The following GRIN2B variants were observed in gnomAD, a reference collection of about 807,000 sequenced individuals.
GRIN2B encodes the protein glutamate receptor ionotropic, NMDA 2B.
In GRIN2B, 5 loss-of-function variants were observed where a neutral mutation model predicts 114.5. The ratio of observed to expected loss-of-function variants is 0.04; its 90% CI spans 0.02 to 0.09. GRIN2B has a LOEUF of 0.09. Ranked by LOEUF, GRIN2B falls within the 10% of genes least tolerant of loss-of-function variation. The pLI is 1.00. For synonymous variants in GRIN2B, 787 were observed against 745.1 expected, an observed-to-expected ratio of 1.06 and a Z score of -0.92; for missense variants, 1,108 against 1,943.5, an observed-to-expected ratio of 0.57 and a Z score of 8.08.
chr12:13,933,094 C>T (rs542739623), intron 2 of GRIN2B, among the ~76,000 whole-genome samples: 1 of 152,230 alleles, frequency 6.6e-6, no homozygotes, highest in Admixed American at 6.5e-5. Context: ...GGCATGTTTC[C>T]TTTCCCCTTG....
rs375099257 is a variant in GRIN2B, at chr12:13,611,899, G to A, written c.1655-49C>T. 7 of 1,589,784 alleles carry A rather than the reference G, an allele frequency of 4.4e-6. No individual in the cohort carries two copies. The East Asian group carries it at 1.3e-4, about 30-fold the overall frequency. On this transcript the variant is annotated intron_variant, in intron 8 of 13. Transcript: ENST00000609686. ...CTCAGGGTTAGAACAGAGAGCAAAA[G>A]AATTCGAATTAATTCACATATTCAT... is the stretch of plus-strand genomic sequence containing the variant.
Position 13,562,509 on chromosome 12 carries a change from C to A in GRIN2B, c.*274G>T. On this transcript the variant is annotated 3_prime_UTR_variant, in exon 14 of 14. Coordinates refer to ENST00000609686, the MANE Select transcript of GRIN2B (RefSeq NM_000834.5). ...GCCCTTCCTTTCTCCGCTCTACCCT[C>A]CCCTGCTGAGAGGGCCCATGGCATC... The A allele has an allele frequency of 2.1e-6, 1 of 484,640 alleles. No homozygotes were observed. The highest frequency in any genetic ancestry group is 3.7e-6 in the Non-Finnish European group (1 of 268,706). 30.0% of individuals were successfully genotyped at this position (484,640 alleles called of 1,614,324 possible).
At chr12:13,630,433 G>A (rs1462148911) in intron 5 of GRIN2B, among the ~76,000 whole-genome samples, 1 of 152,202 alleles carries the variant, frequency 6.6e-6, no homozygotes, top group Non-Finnish European at 1.5e-5. Context: ...CTGACTCTGA[G>A]TTTAGCTTTG....
At chr12:13,773,929 C>A (rs575552288) in intron 3 of GRIN2B, among the ~76,000 whole-genome samples, 1 of 152,144 alleles carries the variant, frequency 6.6e-6, no homozygotes, top group Non-Finnish European at 1.5e-5. Context: ...ACTGGGTGAG[C>A]AAATGAACTA....
At position 13,569,879 on chromosome 12, in the gene GRIN2B, A is replaced by C. The variant is rs1438639646; in HGVS notation, c.2310T>G (p.Ser770=). The part of the protein sequence containing the change: ...TGYGIAIQKD[S]GWKRQVDLAI... ...CAAGGTCCACCTGGCGCTTCCACCCAGAATCTTTTTGGATGGCAATGCCAT... is the reference window on the plus strand; with the variant it reads ...CAAGGTCCACCTGGCGCTTCCACCCCGAATCTTTTTGGATGGCAATGCCAT... Residue 770 remains serine (S), a synonymous_variant, in exon 12 of 14, where the codon TCT becomes TCG. Coordinates refer to ENST00000609686, the MANE Select transcript of GRIN2B (RefSeq NM_000834.5). 1.2e-6 allele frequency: 2 copies of C among 1,612,766 alleles called. No homozygotes were observed. The highest frequency in any genetic ancestry group is 2.2e-5 in the East Asian group (1 of 44,854).
At chr12:13,947,561 G>A (rs1240289652) in intron 2 of GRIN2B, among the ~76,000 whole-genome samples, 1 of 152,142 alleles carries the variant, frequency 6.6e-6, no homozygotes, top group Non-Finnish European at 1.5e-5. Flanking sequence ...CATACATCCA[G>A]TAGCAATCCT....
intron 10 of GRIN2B, among the ~76,000 whole-genome samples, chr12:13,607,399 T>TAA (rs1949291193): frequency 1.4e-4 from 10 of 73,900 alleles, no homozygotes; most frequent in African/African-American, 6.0e-4. Context: ...ATATTATATA[T>TAA]AATATATAAA....
intron 4 of GRIN2B, among the ~76,000 whole-genome samples, chr12:13,711,342 C>A (rs975243884): frequency 5.3e-5 from 8 of 152,134 alleles, no homozygotes; most frequent in African/African-American, 1.7e-4. Context: ...TCTAAAACAC[C>A]AAAAGCAATG....
At chr12:13,832,185 T>G (rs1865161420) in intron 3 of GRIN2B, among the ~76,000 whole-genome samples, 1 of 152,242 alleles carries the variant, frequency 6.6e-6, no homozygotes, top group Admixed American at 6.5e-5. Flanking sequence ...TTATTCTTAT[T>G]ATGAGAACAT....
At chr12:13,734,500 C>G (rs763694995) in intron 4 of GRIN2B, among the ~76,000 whole-genome samples, 1 of 152,138 alleles carries the variant, frequency 6.6e-6, no homozygotes, top group Non-Finnish European at 1.5e-5. Flanking sequence ...GCCAATGAAT[C>G]CAAAGAGTCA....
intron 4 of GRIN2B, among the ~76,000 whole-genome samples, chr12:13,746,686 T>C (rs1191238334): frequency 6.6e-6 from 1 of 152,226 alleles, no homozygotes; most frequent in Non-Finnish European, 1.5e-5. Context: ...ACCCCAATGC[T>C]GGAGATTGAG....
intron 10 of GRIN2B, among the ~76,000 whole-genome samples, chr12:13,599,898 A>G (rs2268097): frequency 0.35 from 52,708 of 152,162 alleles, 10,876 homozygotes; most frequent in East Asian, 0.81. Flanking sequence ...AGAAGTGCTC[A>G]CTAGCCTCTC....
Position 13,562,317 on chromosome 12 carries a change from A to G in GRIN2B, c.*466T>C. 1 of 165,126 alleles carries G rather than the reference A, an allele frequency of 6.1e-6. No homozygotes were observed. The highest frequency in any genetic ancestry group is 1.3e-5 in the Non-Finnish European group (1 of 75,484). The allele number at this position is 165,126 out of a possible 1,614,324, so 10.2% of individuals were successfully genotyped here. A position where few individuals can be genotyped will look rare whatever the true frequency, so the allele number is the denominator to read the frequency against. ...CCAGAGCCTCTTTCCTTTCACAAGC[A>G]GTGTGCTAAATGGTCTCACATAGAT... On this transcript the variant is annotated 3_prime_UTR_variant, in exon 14 of 14. Coordinates refer to ENST00000609686, the MANE Select transcript of GRIN2B (RefSeq NM_000834.5).
intron 2 of GRIN2B, among the ~76,000 whole-genome samples, chr12:13,875,992 G>A (rs1865986028): frequency 6.6e-6 from 1 of 152,176 alleles, no homozygotes. Context: ...CATGTGAGAG[G>A]GCTGTGACAG....
At position 13,539,233 on chromosome 12, in the gene GRIN2B, C is replaced by T. The variant is rs1948248095; in HGVS notation, c.*23550G>A. The T allele has an allele frequency of 6.6e-6, 1 of 152,240 alleles. No individual in the cohort carries two copies. Among genetic ancestry groups the T allele is most frequent in the African/African-American group, 2.4e-5 (1 of 41,448 alleles). The allele number at this position is 152,240 out of a possible 1,614,324, so 9.4% of individuals were successfully genotyped here. On this transcript the variant is annotated 3_prime_UTR_variant, in exon 14 of 14. Transcript: ENST00000609686. Reference sequence around the variant, plus strand: ...AACTAGGGATTAGCCCTGCTGGCTTCTAGCCAGGGCTGCCATACATGAGCT... The same window carrying T: ...AACTAGGGATTAGCCCTGCTGGCTTTTAGCCAGGGCTGCCATACATGAGCT...
intron 5 of GRIN2B, among the ~76,000 whole-genome samples, chr12:13,625,186 C>A (rs1342783909): frequency 6.6e-6 from 1 of 152,178 alleles, no homozygotes; most frequent in Non-Finnish European, 1.5e-5. Context: ...CATTGACGGA[C>A]CAGAATTTTG....
intron 2 of GRIN2B, among the ~76,000 whole-genome samples, chr12:13,951,783 C>T (rs1381148404): frequency 6.6e-6 from 1 of 152,186 alleles, no homozygotes; most frequent in African/African-American, 2.4e-5. Flanking sequence ...TGTGAAACCA[C>T]AGCCCTAATA....
chr12:13,881,553 C>T (rs980220847), intron 2 of GRIN2B, among the ~76,000 whole-genome samples: 2 of 152,210 alleles, frequency 1.3e-5, no homozygotes, highest in East Asian at 1.9e-4. Context: ...GTTGCCTGGC[C>T]TCACTGCAAG....
At chr12:13,650,349 C>CTCT (rs60003912) in intron 5 of GRIN2B, among the ~76,000 whole-genome samples, 146,119 of 151,790 alleles carry the variant, frequency 0.96, 70,558 homozygotes, top group East Asian at 1. Context: ...AATGTAAATT[C>CTCT]TCTTCTTTCA....
Sources: gnomAD v4.1 joint callset for allele counts (sites outside exome capture counted in the v4.1 genomes callset) on GRCh38, gnomAD v4.1.1 for gene constraint, MANE v1.5 for transcripts, NCBI Gene and HGNC (gene_info 2026-07-23, HGNC 2026-07-21) for gene names.